The following NOC3L variants were observed in gnomAD, a reference collection of about 807,000 sequenced individuals.
The protein encoded by NOC3L is NOC3 like DNA replication regulator, also known as nucleolar complex protein 3 homolog.
A neutral mutation model predicts 102.5 loss-of-function variants in NOC3L; 85 were observed. That is an observed-to-expected ratio of 0.83 (90% CI 0.70 to 0.99). The LOEUF (loss-of-function observed/expected upper bound fraction) is 0.99. Among genes scored for constraint, NOC3L ranks in the 50% least tolerant of loss-of-function variants. NOC3L has a pLI of 0.00. For synonymous variants in NOC3L, 303 were observed against 309.4 expected, an observed-to-expected ratio of 0.98 and a Z score of 0.22; for missense variants, 878 against 914.9, an observed-to-expected ratio of 0.96 and a Z score of 0.52.
Position 94,356,574 on chromosome 10 carries a change from CTT to C in NOC3L, c.524_525del (p.Lys175ArgfsTer2), listed in dbSNP as rs775442558. The C allele has an allele frequency of 3.8e-6, 6 of 1,571,090 alleles. No individual in the cohort carries two copies. The South Asian group carries it at 6.7e-5, about 17-fold the overall frequency. On this transcript the variant is annotated frameshift_variant, in exon 5 of 21. Coordinates refer to ENST00000371361, the MANE Select transcript of NOC3L (RefSeq NM_022451.11). LOFTEE classifies it high-confidence loss of function. ...TREKPVTDSN[K>X]DEEDQEEERE... ...CTCTCTTCTTCTTGATCCTCTTCAT[CTT>C]TGTTACTATCAGTAACTATATGGAA...
chr10:94,325,206 GA>G, the NOC3L span: 1 of 866,266 alleles, frequency 1.2e-6, no homozygotes, highest in Non-Finnish European at 1.9e-6. Flanking sequence ...CCAACAGGAG[GA>G]TGTCCCTTGA....
chr10:94,340,381 TTA>T (rs2133987028), intron 15 of NOC3L, 34 bp from the exon 16 acceptor site: 2 of 1,608,366 alleles, frequency 1.2e-6, no homozygotes, highest in Non-Finnish European at 1.7e-6. Context: ...ATTAGGTATG[TTA>T]TAGCATTCAA....
rs115700231 is a variant in NOC3L, at chr10:94,340,075, C to T, written c.1781-155G>A. 6.6e-3 allele frequency among the ~76,000 whole-genome samples: 1,003 copies of T among 152,296 alleles called. 8 individuals are homozygous for T. Among genetic ancestry groups the T allele is most frequent in the African/African-American group, 0.023 (949 of 41,572 alleles). ...GTGCTATACTGCTAAGGAGATACAG[C>T]GGGCTATACTTACTGCATCTCCAGT... On this transcript the variant is annotated intron_variant, in intron 16 of 20. Coordinates refer to ENST00000371361, the MANE Select transcript of NOC3L (RefSeq NM_022451.11).
the NOC3L span, chr10:94,322,195 T>C: frequency 2.4e-6 from 2 of 838,572 alleles, no homozygotes; most frequent in Admixed American, 4.0e-5. Flanking sequence ...GTGTGCCTCT[T>C]AAGGCTGGGA....
chr10:94,319,765 T>A, the NOC3L span, among the ~76,000 whole-genome samples: 1 of 151,912 alleles, frequency 6.6e-6, no homozygotes. Flanking sequence ...AAAAGGGATA[T>A]AAGTGAGGGC....
chr10:94,350,689 G>C (rs912773605), intron 8 of NOC3L, among the ~76,000 whole-genome samples: 6 of 143,582 alleles, frequency 4.2e-5, no homozygotes, highest in African/African-American at 1.6e-4. Flanking sequence ...CTGCATTCCA[G>C]CCTGGCGACA....
chr10:94,354,777 A>G (rs981799508), intron 6 of NOC3L, among the ~76,000 whole-genome samples, 186 bp downstream of exon 6: 2 of 152,218 alleles, frequency 1.3e-5, no homozygotes, highest in Non-Finnish European at 1.5e-5. Context: ...TAGGATTACA[A>G]AAGAAATTAA....
chr10:94,342,735 A>G (rs1344169637), intron 13 of NOC3L, among the ~76,000 whole-genome samples: 1 of 151,910 alleles, frequency 6.6e-6, no homozygotes, highest in Non-Finnish European at 1.5e-5. Context: ...AAACCAAAAA[A>G]AAAAAAAAAA....
At chr10:94,353,765 C>T in intron 6 of NOC3L, among the ~76,000 whole-genome samples, 1 of 152,072 alleles carries the variant, frequency 6.6e-6, no homozygotes, top group East Asian at 1.9e-4. Flanking sequence ...TACGTGTGTC[C>T]TATTCTTCTA....
At chr10:94,322,645 C>G in the NOC3L span, among the ~76,000 whole-genome samples, 6 of 152,060 alleles carry the variant, frequency 3.9e-5, no homozygotes, top group East Asian at 3.9e-4. Context: ...ATTAGCTGGG[C>G]GTGGTGGCAG....
chr10:94,358,066 C>A lies in NOC3L; in HGVS notation c.350+17G>T, dbSNP rs779387237. The A allele has an allele frequency of 2.6e-6, 4 of 1,510,958 alleles. No individual in the cohort carries two copies. Among genetic ancestry groups the A allele is most frequent in the Admixed American group, 3.4e-5 (2 of 59,270 alleles). 93.6% of individuals were successfully genotyped at this position (1,510,958 alleles called of 1,614,324 possible). On this transcript the variant is annotated intron_variant, in intron 3 of 20. Coordinates refer to ENST00000371361, the MANE Select transcript of NOC3L (RefSeq NM_022451.11). The stretch of plus-strand genomic sequence containing the variant: ...ACTAAATGGATATGAATGATTATAA[C>A]CCAAATGAAGTATTACCTAGAAGAA...
chr10:94,322,524 C>A, the NOC3L span, among the ~76,000 whole-genome samples: 1 of 152,206 alleles, frequency 6.6e-6, no homozygotes, highest in East Asian at 1.9e-4. Flanking sequence ...GGGGTTCACG[C>A]CTGTAATCCC....
At chr10:94,315,749 G>A in the NOC3L span, among the ~76,000 whole-genome samples, 10 of 136,438 alleles carry the variant, frequency 7.3e-5, no homozygotes, top group South Asian at 7.7e-4. Context: ...CAGCCTGGGC[G>A]ACAGAGGGAG....
chr10:94,325,106 T>C, the NOC3L span: 50 of 1,601,008 alleles, frequency 3.1e-5, no homozygotes, highest in South Asian at 4.5e-4. Flanking sequence ...TTAACCCAGG[T>C]ATAGTAAGTC....
At chr10:94,324,647 T>G in the NOC3L span, 1 of 1,245,208 alleles carries the variant, frequency 8.0e-7, no homozygotes, top group Non-Finnish European at 1.2e-6. Flanking sequence ...TGGAAGCTGG[T>G]GAAATTTAGG....
intron 13 of NOC3L, 150 bp downstream of exon 13, chr10:94,344,265 T>G: frequency 2.1e-6 from 1 of 474,180 alleles, no homozygotes; most frequent in East Asian, 3.3e-5. Context: ...AAAAGCCCAC[T>G]GTTATGAATA....
chr10:94,344,626 C>T, intron 12 of NOC3L, 111 bp from the exon 13 acceptor site: 1 of 740,386 alleles, frequency 1.4e-6, no homozygotes, highest in Non-Finnish European at 2.2e-6. Flanking sequence ...CATCCCTCCC[C>T]ACAATGCAAT....
intron 6 of NOC3L, among the ~76,000 whole-genome samples, chr10:94,354,009 T>G (rs1430653066): frequency 3.9e-5 from 6 of 152,168 alleles, no homozygotes; most frequent in African/African-American, 1.4e-4. Flanking sequence ...AACAAATCAC[T>G]TGGGTTTTTT....
At chr10:94,356,884 A>T (rs1033701329) in intron 4 of NOC3L, among the ~76,000 whole-genome samples, 5 of 152,190 alleles carry the variant, frequency 3.3e-5, no homozygotes, top group African/African-American at 9.7e-5. Context: ...AAGATACATT[A>T]AAAAAGAAAG....
Sources: gnomAD v4.1 joint callset for allele counts (sites outside exome capture counted in the v4.1 genomes callset) on GRCh38, gnomAD v4.1.1 for gene constraint, MANE v1.5 for transcripts, NCBI Gene and HGNC (gene_info 2026-07-23, HGNC 2026-07-21) for gene names.